MANBA: variants seen among roughly 807,000 people sequenced by gnomAD.
MANBA encodes the protein beta-mannosidase.
MANBA carries 83 observed loss-of-function variants against 111.1 expected under a neutral mutation model. The ratio of observed to expected loss-of-function variants is 0.75; its 90% CI spans 0.63 to 0.90. The LOEUF is 0.90. MANBA is among the 40% of genes least tolerant of loss of function. The pLI is 0.00. For missense variants in MANBA, 1,036 were observed against 1,069.0 expected (o/e 0.97, Z 0.43); for synonymous variants, 370 against 378.7 (o/e 0.98, Z 0.27).
At chr4:102,644,995 ATAT>A (rs1730040188) in intron 13 of MANBA, among the ~76,000 whole-genome samples, 1 of 152,016 alleles carries the variant, frequency 6.6e-6, no homozygotes, top group African/African-American at 2.4e-5. Flanking sequence ...AATCTATTAT[ATAT>A]ACCTTGTCTT....
At chr4:102,697,174 A>C (rs563493779) in intron 5 of MANBA, among the ~76,000 whole-genome samples, 3 of 152,286 alleles carry the variant, frequency 2.0e-5, no homozygotes, top group Admixed American at 6.5e-5. Context: ...CACAGGAAAA[A>C]TTATTCAAGC....
intron 4 of MANBA, among the ~76,000 whole-genome samples, chr4:102,720,545 CAGTGAGCCG>C (rs1255820649): frequency 6.6e-6 from 1 of 151,276 alleles, no homozygotes; most frequent in Non-Finnish European, 1.5e-5. Context: ...GCAGAGGTTG[CAGTGAGCCG>C]AGGTCATGCC....
chr4:102,734,705 C>G (rs1723147342), intron 1 of MANBA: 3 of 882,598 alleles, frequency 3.4e-6, no homozygotes, highest in East Asian at 5.1e-5. Context: ...CTCTCCATCC[C>G]AGGTTCAGGG....
At chr4:102,683,211 A>G (rs941429955) in intron 7 of MANBA, among the ~76,000 whole-genome samples, 3 of 152,030 alleles carry the variant, frequency 2.0e-5, no homozygotes, top group Non-Finnish European at 2.9e-5. Flanking sequence ...AAAAATCCCA[A>G]TTGTTTTTCT....
At chr4:102,743,589 C>A (rs1182974493) in intron 1 of MANBA, among the ~76,000 whole-genome samples, 1 of 152,092 alleles carries the variant, frequency 6.6e-6, no homozygotes, top group African/African-American at 2.4e-5. Context: ...CAGAAGTGAG[C>A]CACTTCTGCC....
At chr4:102,721,184 T>C (rs1386065353) in intron 4 of MANBA, among the ~76,000 whole-genome samples, 1 of 152,052 alleles carries the variant, frequency 6.6e-6, no homozygotes, top group Non-Finnish European at 1.5e-5. Flanking sequence ...ATTAGCCAAG[T>C]GTGGCAGTGC....
At chr4:102,684,451 C>T (rs1381505815) in intron 7 of MANBA, among the ~76,000 whole-genome samples, 2 of 152,186 alleles carry the variant, frequency 1.3e-5, no homozygotes, top group East Asian at 1.9e-4. Context: ...CCATTCCACT[C>T]CCAGCAGACA....
At chr4:102,723,136 A>G in intron 3 of MANBA, 95 bp from the exon 4 acceptor site, 1 of 1,093,744 alleles carries the variant, frequency 9.1e-7, no homozygotes, top group Non-Finnish European at 1.4e-6. Context: ...AAGACACATA[A>G]TATAATGCCG....
At position 102,760,583 on chromosome 4, in the gene MANBA, A is replaced by T. The variant is rs966603091; in HGVS notation, c.177+135T>A. ...TTGGGCATTTCCCCCCGCAGATCAC[A>T]AGATGCAAAGGGGAAGTTACTACCA... On this transcript the variant is annotated intron_variant, in intron 1 of 16. Coordinates refer to ENST00000647097, the MANE Select transcript of MANBA (RefSeq NM_005908.4). 5.0e-6 allele frequency: 5 copies of T among 1,004,342 alleles called. No individual in the cohort carries two copies. The African/African-American group carries it at 8.2e-5, about 16-fold the overall frequency. The allele number at this position is 1,004,342 out of a possible 1,614,324, so 62.2% of individuals were successfully genotyped here. A position where few individuals can be genotyped will look rare whatever the true frequency, so the allele number is the denominator to read the frequency against.
chr4:102,688,585 G>A (rs746954828), intron 7 of MANBA, among the ~76,000 whole-genome samples: 16 of 152,198 alleles, frequency 1.1e-4, no homozygotes, highest in Non-Finnish European at 1.9e-4. Flanking sequence ...GCTGGTGTCT[G>A]GGAGAGGAGG....
At chr4:102,753,645 A>G (rs1723892021) in intron 1 of MANBA, 1 of 153,226 alleles carries the variant, frequency 6.5e-6, no homozygotes, top group African/African-American at 2.4e-5. Flanking sequence ...AGACAGAAAC[A>G]ATCATAAAAG....
At chr4:102,712,519 GACC>G (rs975453493) in intron 5 of MANBA, among the ~76,000 whole-genome samples, 15 of 137,332 alleles carry the variant, frequency 1.1e-4, no homozygotes, top group Non-Finnish European at 2.0e-4. Flanking sequence ...TGCTAAATCG[GACC>G]ACTTTTTTTT....
Position 102,714,475 on chromosome 4 carries a change from A to C in MANBA, c.636T>G (p.Ile212Met). The change falls in exon 5 of 17, where the codon ATT becomes ATG. Residue 212 changes from isoleucine to methionine, a missense_variant. By Grantham distance (10) the Ile-to-Met change is conservative. Transcript: ENST00000647097. ...AAAATGTGAAGTAGTTCAGGTGACA[A>C]ATATTATAGGCTTCAATTCTAACAT... Reference protein sequence around the residue: ...WKDVRIEAYNICHLNYFTFSP... With the variant: ...WKDVRIEAYNMCHLNYFTFSP... 1 of 1,606,884 alleles carries C rather than the reference A, an allele frequency of 6.2e-7. No individual in the cohort carries two copies. The highest frequency in any genetic ancestry group is 8.5e-7 in the Non-Finnish European group (1 of 1,173,436).
chr4:102,681,217 C>A (rs117846119), intron 7 of MANBA, among the ~76,000 whole-genome samples: 1 of 152,094 alleles, frequency 6.6e-6, no homozygotes, highest in Non-Finnish European at 1.5e-5. Context: ...GTAGCATGTG[C>A]CTGTAGTAGT....
Position 102,723,839 on chromosome 4 carries a change from A to T in MANBA, c.378+23T>A, listed in dbSNP as rs975393098. 4.3e-6 allele frequency: 6 copies of T among 1,379,614 alleles called. No individual in the cohort carries two copies. In the Admixed American group the frequency reaches 8.8e-5, roughly 20 times the overall value. The allele number at this position is 1,379,614 out of a possible 1,614,324, so 85.5% of individuals were successfully genotyped here. A position where few individuals can be genotyped will look rare whatever the true frequency, so the allele number is the denominator to read the frequency against. On this transcript the variant is annotated intron_variant, in intron 3 of 16. Coordinates refer to ENST00000647097, the MANE Select transcript of MANBA (RefSeq NM_005908.4). ...CATAAACACACATAAATTTTTTTTA[A>T]CCTAATGTCATTATATACTTACATA...
At chr4:102,659,628 T>C (rs1293912294) in intron 11 of MANBA, among the ~76,000 whole-genome samples, 1 of 152,148 alleles carries the variant, frequency 6.6e-6, no homozygotes, top group African/African-American at 2.4e-5. Flanking sequence ...CTTTGATCCC[T>C]TGTAGTCCAT....
Position 102,674,033 on chromosome 4 carries a change from A to G in MANBA, c.998T>C (p.Ile333Thr). The G allele has an allele frequency of 2.5e-6, 4 of 1,603,444 alleles. No individual in the cohort carries two copies. The highest frequency in any genetic ancestry group is 2.6e-6 in the Non-Finnish European group (3 of 1,170,282). ...GAAACTCAAACCAGGAGACCCTTTT[A>G]TAGGCTCTTCTATAAGTTCCACTGT... ...FRTVELIEEP[I>T]KGSPGLSFYF... is the part of the protein sequence containing the mutation. The change falls in exon 8 of 17, where the codon ATA becomes ACA. Residue 333 changes from isoleucine to threonine, a missense_variant. By Grantham distance (89) the Ile-to-Thr change is moderately conservative. Coordinates refer to ENST00000647097, the MANE Select transcript of MANBA (RefSeq NM_005908.4).
chr4:102,644,861 G>T (rs897999264), intron 13 of MANBA, among the ~76,000 whole-genome samples: 1 of 151,738 alleles, frequency 6.6e-6, no homozygotes, highest in African/African-American at 2.4e-5. Flanking sequence ...ACATCATGTT[G>T]TACACCACAA....
chr4:102,729,501 G>A, intron 1 of MANBA: 1 of 981,942 alleles, frequency 1.0e-6, no homozygotes. Flanking sequence ...ACAGCTGCTT[G>A]AGGAAATTGA....
Sources: allele counts gnomAD v4.1 joint callset (sites outside exome capture counted in the v4.1 genomes callset), GRCh38; gene constraint gnomAD v4.1.1; transcripts MANE v1.5; gene names NCBI Gene and HGNC (gene_info 2026-07-23, HGNC 2026-07-21).